The following MTUS1 variants were observed in gnomAD, a reference collection of about 807,000 sequenced individuals.
MTUS1 encodes microtubule-associated tumor suppressor 1.
In MTUS1, 109 loss-of-function variants were observed where a neutral mutation model predicts 120.8. That is an observed-to-expected ratio of 0.90 (90% confidence interval 0.77 to 1.06). MTUS1 has a LOEUF of 1.06. Ranked by LOEUF, MTUS1 falls within the 50% of genes least tolerant of loss-of-function variation. MTUS1 has a pLI of 0.00. For synonymous variants in MTUS1, 737 were observed against 550.5 expected (o/e 1.34, Z -4.74); for missense variants, 2,210 against 1,486.3 (o/e 1.49, Z -8.01).
At position 17,684,340 on chromosome 8, in the gene MTUS1, G is replaced by C. The variant is rs1250217308; in HGVS notation, c.2826C>G (p.His942Gln). ...KFEALTVVIQ[H>Q]LLSEREEALK... Reference sequence around the variant, plus strand: ...TGCACCTCCTTACCTCAGACAGCAGGTGCTGAATCACAACTGTCAATGCCT... The same window carrying C: ...TGCACCTCCTTACCTCAGACAGCAGCTGCTGAATCACAACTGTCAATGCCT... The change falls in exon 7 of 15, where the codon CAC (histidine) becomes CAG (glutamine). Residue 942 changes from histidine (H) to glutamine (Q), a missense_variant. Coordinates refer to ENST00000693296, the MANE Select transcript of MTUS1 (RefSeq NM_001363059.2). 3 of 1,613,772 alleles carry C rather than the reference G, an allele frequency of 1.9e-6. No individual in the cohort carries two copies. The highest frequency in any genetic ancestry group is 4.5e-5 in the East Asian group (2 of 44,880).
intron 6 of MTUS1, among the ~76,000 whole-genome samples, chr8:17,694,420 C>T (rs1817554921): frequency 6.6e-6 from 1 of 152,164 alleles, no homozygotes; most frequent in Admixed American, 6.5e-5. Context: ...AATCCCAGCA[C>T]TTTGGGAGGC....
rs1238206220 is a variant in MTUS1, at chr8:17,755,648, T to A, written c.160A>T (p.Met54Leu). Residue 54 changes from methionine to leucine, a missense_variant, in exon 2 of 15, where the codon ATG (methionine) becomes TTG (leucine). Coordinates refer to ENST00000693296, the MANE Select transcript of MTUS1 (RefSeq NM_001363059.2). ...VNWNSANPDD[M>L]VVDYETDPAV... is the part of the protein sequence containing the mutation. ...GGGTCAGTTTCATAATCAACCACCA[T>A]GTCATCTGGGTTGGCAGAATTCCAG... 2 of 1,614,204 alleles carry A rather than the reference T, an allele frequency of 1.2e-6. No individual in the cohort carries two copies. Among genetic ancestry groups the A allele is most frequent in the African/African-American group, 2.7e-5 (2 of 75,058 alleles).
intron 8 of MTUS1, among the ~76,000 whole-genome samples, chr8:17,660,282 A>G (rs927657372): frequency 6.6e-6 from 1 of 152,178 alleles, no homozygotes; most frequent in African/African-American, 2.4e-5. Flanking sequence ...CTGAGGCAGG[A>G]GAATCGCTTG....
At chr8:17,685,226 T>A (rs1418084150) in intron 6 of MTUS1, among the ~76,000 whole-genome samples, 3 of 152,196 alleles carry the variant, frequency 2.0e-5, no homozygotes, top group South Asian at 2.1e-4. Flanking sequence ...AGTTTTTTTT[T>A]AAAGCACATG....
At chr8:17,799,492 T>A (rs12547142) in intron 1 of MTUS1, among the ~76,000 whole-genome samples, 113,673 of 152,014 alleles carry the variant, frequency 0.75, 43,858 homozygotes, top group Non-Finnish European at 0.86. Flanking sequence ...AACTCACTTT[T>A]CTCAATCTAC....
rs758311234 is a variant in MTUS1 at position 17,653,203 on chromosome 8, T to C, written c.3367A>G (p.Arg1123Gly). 3 of 1,547,218 alleles carry C rather than the reference T, an allele frequency of 1.9e-6. No homozygotes were observed. Among genetic ancestry groups the C allele is most frequent in the Non-Finnish European group, 2.6e-6 (3 of 1,150,348 alleles). ...LKSEEQKRRA[R>G]EKANLKNPQI... ...CAACTTACCAAATTTGCTTTTTCTC[T>C]TGCTCTTCTTTTTTGTTCTTCTGAT... The change falls in exon 12 of 15, where the codon AGA (arginine) becomes GGA (glycine). Residue 1123 changes from arginine to glycine, a missense_variant. By Grantham distance (125) the Arg-to-Gly change is moderately radical. Transcript: ENST00000693296.
chr8:17,646,954 G>A (rs373562187), intron 14 of MTUS1, 28 bp downstream of exon 14: 17 of 1,562,308 alleles, frequency 1.1e-5, no homozygotes, highest in South Asian at 2.2e-5. Context: ...CGGGGAGCTC[G>A]GGAGAAACAG....
chr8:17,753,720 A>C lies in MTUS1; in HGVS notation c.2088T>G (p.Phe696Leu). The C allele has an allele frequency of 1.9e-6, 3 of 1,588,266 alleles. No homozygotes were observed. Among genetic ancestry groups the C allele is most frequent in the Non-Finnish European group, 2.6e-6 (3 of 1,170,392 alleles). Residue 696 changes from phenylalanine to leucine, a missense_variant, in exon 2 of 15, where the codon TTT becomes TTG. Physicochemically the swap from Phe to Leu is conservative, Grantham distance 22. Transcript: ENST00000693296. ...MNETFEYGSL[F>L]LGSASKTTTT... is the part of the protein sequence containing the mutation. ...AAAATATATATATATTACTTACCAA[A>C]AACAGAGAACCATATTCAAAAGTCT...
In MTUS1 at chr8:17,755,130, T is replaced by G. The variant is rs209568; in HGVS notation, c.678A>C (p.Glu226Asp). 1.2e-4 allele frequency: 197 copies of G among 1,613,796 alleles called. No individual in the cohort carries two copies. Among genetic ancestry groups the G allele is most frequent in the Non-Finnish European group, 1.5e-4 (181 of 1,179,996 alleles). ...GTGTGACTTGAGGGTTTTCAAAGCT[T>G]TCTCTATCATAAGTAGTTTCTCTTG... is the stretch of plus-strand genomic sequence containing the variant. ...THARETTYDR[E>D]SFENPQVTPS... The change falls in exon 2 of 15, where the codon GAA becomes GAC. Residue 226 changes from glutamate to aspartate, a missense_variant. Physicochemically the swap from Glu to Asp is conservative, Grantham distance 45 (BLOSUM62 2). Transcript: ENST00000693296.
At chr8:17,773,422 C>A (rs918212298) in intron 1 of MTUS1, among the ~76,000 whole-genome samples, 1 of 152,166 alleles carries the variant, frequency 6.6e-6, no homozygotes, top group Admixed American at 6.5e-5. Context: ...AAAGGCAAAT[C>A]TAGGGTAAGA....
At chr8:17,688,862 T>C (rs1411650334) in intron 6 of MTUS1, among the ~76,000 whole-genome samples, 1 of 152,176 alleles carries the variant, frequency 6.6e-6, no homozygotes, top group Non-Finnish European at 1.5e-5. Flanking sequence ...GACATGGCAT[T>C]TACTGAAAAT....
intron 8 of MTUS1, among the ~76,000 whole-genome samples, chr8:17,671,397 C>A (rs1222258449): frequency 6.6e-6 from 1 of 152,058 alleles, no homozygotes; most frequent in African/African-American, 2.4e-5. Context: ...CAATTATGGA[C>A]TTTATACCTG....
chr8:17,703,495 T>C (rs781540881), intron 6 of MTUS1, among the ~76,000 whole-genome samples: 1 of 151,880 alleles, frequency 6.6e-6, no homozygotes, highest in Non-Finnish European at 1.5e-5. Flanking sequence ...TTGCCTAGCG[T>C]GGTGGTGCGC....
intron 1 of MTUS1, among the ~76,000 whole-genome samples, chr8:17,789,092 G>C (rs574972132): frequency 2.0e-5 from 3 of 151,896 alleles, no homozygotes; most frequent in African/African-American, 4.8e-5. Context: ...GAATGCAATG[G>C]CACGATCTCA....
chr8:17,694,679 C>CA (rs57560186), intron 6 of MTUS1, among the ~76,000 whole-genome samples: 10,202 of 151,604 alleles, frequency 0.067, 807 homozygotes, highest in African/African-American at 0.19. Context: ...AACAAAGCAA[C>CA]AAAAAAACAA....
rs73206291 is a variant in MTUS1, at chr8:17,755,185, C to A, written c.623G>T (p.Trp208Leu). 1.6e-5 allele frequency: 26 copies of A among 1,613,994 alleles called. No homozygotes were observed. Among genetic ancestry groups the A allele is most frequent in the Non-Finnish European group, 2.1e-5 (25 of 1,180,028 alleles). Reference sequence around the variant, plus strand: ...CGTCTTATCAGAATGGGAAGATGTCCAAGTGGAATAGGATAAAGAAGATGT... The same window carrying A: ...CGTCTTATCAGAATGGGAAGATGTCAAAGTGGAATAGGATAAAGAAGATGT... Reference protein sequence around the residue: ...GSTSSLSYSTWTSSHSDKTHA... With the variant: ...GSTSSLSYSTLTSSHSDKTHA... Residue 208 changes from tryptophan (W) to leucine (L), a missense_variant, in exon 2 of 15, where the codon TGG becomes TTG. Physicochemically the swap from Trp to Leu is moderately conservative, Grantham distance 61. Transcript: ENST00000693296.
intron 6 of MTUS1, among the ~76,000 whole-genome samples, chr8:17,709,433 A>AT (rs1210264659): frequency 1.3e-5 from 2 of 151,920 alleles, no homozygotes; most frequent in African/African-American, 4.8e-5. Context: ...CAGGTTTTTT[A>AT]TTTTATTTTT....
chr8:17,712,906 T>C (rs1821615106), intron 6 of MTUS1, among the ~76,000 whole-genome samples: 2 of 152,116 alleles, frequency 1.3e-5, no homozygotes, highest in Admixed American at 6.5e-5. Context: ...TTAAGGAATA[T>C]CCAATTTCAA....
At chr8:17,716,741 A>C (rs770688172) in intron 4 of MTUS1, among the ~76,000 whole-genome samples, 5 of 152,008 alleles carry the variant, frequency 3.3e-5, no homozygotes, top group Non-Finnish European at 7.4e-5. Context: ...TTTTTAGTGG[A>C]GACGGGGTTT....
Sources: allele counts gnomAD v4.1 joint callset (sites outside exome capture counted in the v4.1 genomes callset), GRCh38; gene constraint gnomAD v4.1.1; transcripts MANE v1.5; gene names NCBI Gene and HGNC (gene_info 2026-07-23, HGNC 2026-07-21).